Variants in PHKG1 observed in about 807,000 individuals in gnomAD.
PHKG1 encodes the protein phosphorylase kinase catalytic subunit gamma 1, also known as phosphorylase b kinase gamma catalytic chain, skeletal muscle/heart isoform.
PHKG1 carries 48 observed loss-of-function variants against 50.5 expected under a neutral mutation model. The observed-to-expected ratio is 0.95, with a 90% CI of 0.75 to 1.21. The LOEUF (loss-of-function observed/expected upper bound fraction) is 1.21. PHKG1 is among the 50% of genes most tolerant of loss of function. The probability of loss-of-function intolerance (pLI) is 0.00; values close to 1 mark genes in which losing one functional copy is unlikely to be tolerated. For synonymous variants in PHKG1, 204 were observed against 212.8 expected, an observed-to-expected ratio of 0.96 and a Z score of 0.36; for missense variants, 487 against 519.5, an observed-to-expected ratio of 0.94 and a Z score of 0.61.
Position 56,081,932 on chromosome 7 carries a change from C to T in PHKG1, c.753G>A (p.Ser251=), listed in dbSNP as rs547904081. Residue 251 remains serine, a synonymous_variant, in exon 8 of 10, where the codon TCG becomes TCA. Coordinates refer to ENST00000297373, the MANE Select transcript of PHKG1 (RefSeq NM_006213.5). This position sits in a 1 kb window ranked among gnomAD's most constrained non-coding sequence, Gnocchi z 4.6. ...TGTCCGAGTAATCATCCCACTCGGG[C>T]GAGCCAAACTGGTAGTTGCCGCTCA... ...MIMSGNYQFG[S]PEWDDYSDTV... 1.2e-5 allele frequency: 20 copies of T among 1,613,656 alleles called. No homozygotes were observed. Among genetic ancestry groups the T allele is most frequent in the African/African-American group, 2.7e-5 (2 of 75,068 alleles).
Position 56,086,991 on chromosome 7 carries a change from A to G in PHKG1, c.296T>C (p.Phe99Ser). The change falls in exon 4 of 10, where the codon TTC (phenylalanine) becomes TCC (serine). Residue 99 changes from phenylalanine (F) to serine (S), a missense_variant. Physicochemically the swap from Phe to Ser is radical, Grantham distance 155 (BLOSUM62 -2). Transcript: ENST00000297373. Reference sequence around the variant, plus strand: ...TTACAGGTCAAACACCAAGAAGAAGAAAGTGTTGGTCTCATAAGTGTCCTT... The same window carrying G: ...TTACAGGTCAAACACCAAGAAGAAGGAAGTGTTGGTCTCATAAGTGTCCTT... ...QLKDTYETNT[F>S]FFLVFDLMKR... 1 of 1,613,344 alleles carries G rather than the reference A, an allele frequency of 6.2e-7. No homozygotes were observed.
At position 56,083,319 on chromosome 7, in the gene PHKG1, A is replaced by C. The variant is rs1796105599; in HGVS notation, c.506T>G (p.Phe169Cys). 2.5e-6 allele frequency: 4 copies of C among 1,613,922 alleles called. No individual in the cohort carries two copies. Among genetic ancestry groups the C allele is most frequent in the Non-Finnish European group, 3.4e-6 (4 of 1,179,980 alleles). ...DDNMNIKLTD[F>C]GFSCQLEPGE... ...CGGCTCCAGCTGGCAGGAAAAGCCA[A>C]AGTCTGTGAGCTTGATGTTCATGTT... The change falls in exon 6 of 10, where the codon TTT (phenylalanine) becomes TGT (cysteine). Residue 169 changes from phenylalanine to cysteine, a missense_variant. Coordinates refer to ENST00000297373, the MANE Select transcript of PHKG1 (RefSeq NM_006213.5).
chr7:56,092,152 C>T lies in PHKG1; in HGVS notation c.-35+684G>A, dbSNP rs559125192. On this transcript the variant is annotated intron_variant, in intron 1 of 9. Transcript: ENST00000297373. ...CACCTTTCCTGGGGGGCTGAGGAGG[C>T]GGTTATCTTGCCCCAGCCCCAGCTC... Among the ~76,000 whole-genome samples, 533 of 152,310 alleles carry T rather than the reference C, an allele frequency of 3.5e-3. 1 individual carries two copies. Among genetic ancestry groups the T allele is most frequent in the Middle Eastern group, 6.8e-3 (2 of 294 alleles).
Position 56,086,994 on chromosome 7 carries a change from G to A in PHKG1, c.293C>T (p.Thr98Ile). 6.2e-7 allele frequency: 1 copy of A among 1,613,414 alleles called. No homozygotes were observed. Residue 98 changes from threonine to isoleucine, a missense_variant, in exon 4 of 10, where the codon ACT (threonine) becomes ATT (isoleucine). Physicochemically the swap from Thr to Ile is moderately conservative, Grantham distance 89. Coordinates refer to ENST00000297373, the MANE Select transcript of PHKG1 (RefSeq NM_006213.5). ...CAGGTCAAACACCAAGAAGAAGAAA[G>A]TGTTGGTCTCATAAGTGTCCTTCAG... ...IQLKDTYETNTFFFLVFDLMK... is the reference protein window; with the variant it reads ...IQLKDTYETNIFFFLVFDLMK...
In PHKG1 at chr7:56,082,177, C is replaced by A. The variant is rs1278717515; in HGVS notation, c.624G>T (p.Gly208=). 1.2e-6 allele frequency: 2 copies of A among 1,613,982 alleles called. No individual in the cohort carries two copies. Among genetic ancestry groups the A allele is most frequent in the Admixed American group, 3.3e-5 (2 of 60,018 alleles). ...GGCGCACTCACATGTCCACCTCTTT[C>A]CCGTAGCCCGGGTGGTCCTCATTCA... The part of the protein sequence containing the change: ...CSMNEDHPGY[G]KEVDMWSTGV... Residue 208 remains glycine, a synonymous_variant, in exon 7 of 10, where the codon GGG becomes GGT. Coordinates refer to ENST00000297373, the MANE Select transcript of PHKG1 (RefSeq NM_006213.5).
Position 56,091,234 on chromosome 7 carries a change from AG to A in PHKG1, c.-35+1601del, listed in dbSNP as rs1337058191. Among the ~76,000 whole-genome samples the A allele has an allele frequency of 2.0e-5, 3 of 151,604 alleles. No homozygotes were observed. In the East Asian group the frequency reaches 5.8e-4, roughly 29 times the overall value. On this transcript the variant is annotated intron_variant, in intron 1 of 9. Transcript: ENST00000297373. ...TCTGTCTCAAAAAATAAGACAAAAC[AG>A]GCTGGGCGCAGTGGCTCATGCCTGT...
chr7:56,087,194 TTTA>T (rs56665611), intron 3 of PHKG1, among the ~76,000 whole-genome samples, 170 bp from the exon 4 acceptor site: 44,822 of 135,786 alleles, frequency 0.33, 7,612 homozygotes, highest in Middle Eastern at 0.37. Flanking sequence ...GCCCAGGGAC[TTTA>T]TTATTATTAT....
chr7:56,092,656 T>C (rs1322505172), intron 1 of PHKG1, among the ~76,000 whole-genome samples, 180 bp downstream of exon 1: 1 of 152,102 alleles, frequency 6.6e-6, no homozygotes, highest in African/African-American at 2.4e-5. Context: ...CTCTTTTCTG[T>C]AGAAAATTCC....
At chr7:56,084,089 G>T in intron 4 of PHKG1, 1 of 915,332 alleles carries the variant, frequency 1.1e-6, no homozygotes, top group Non-Finnish European at 1.7e-6. Flanking sequence ...TCCAGGCCAG[G>T]ATGGCTAGAA....
In PHKG1 at chr7:56,088,852, G is replaced by A. The variant is rs1323039735; in HGVS notation, c.83+7C>T. On this transcript the variant is annotated splice_region_variant and intron_variant, in intron 2 of 9. Transcript: ENST00000297373. ...ACAGCACTTCGTGGGGAAAGCTTGG[G>A]CTTTACCTGCCCAGGATCTCTTTGG... 1 of 1,607,466 alleles carries A rather than the reference G, an allele frequency of 6.2e-7. No homozygotes were observed. Among genetic ancestry groups the A allele is most frequent in the African/African-American group, 1.3e-5 (1 of 74,874 alleles).
Position 56,087,022 on chromosome 7 carries a change from G to C in PHKG1, c.265C>G (p.Gln89Glu), listed in dbSNP as rs779776222. Residue 89 changes from glutamine to glutamate, a missense_variant and splice_region_variant, in exon 4 of 10, where the codon CAG becomes GAG. Coordinates refer to ENST00000297373, the MANE Select transcript of PHKG1 (RefSeq NM_006213.5). ...TTGGTCTCATAAGTGTCCTTCAGCT[G>C]TACTGAAATGGAAATGGCTAGCTTG... is the stretch of plus-strand genomic sequence containing the variant. The part of the protein sequence containing the change: ...RKVSGHPNII[Q>E]LKDTYETNTF... 52 of 1,612,580 alleles carry C rather than the reference G, an allele frequency of 3.2e-5. No homozygotes were observed. Among genetic ancestry groups the C allele is most frequent in the Non-Finnish European group, 4.3e-5 (51 of 1,178,986 alleles).
chr7:56,091,134 A>G (rs1438928772), intron 1 of PHKG1, among the ~76,000 whole-genome samples: 2 of 151,918 alleles, frequency 1.3e-5, no homozygotes, highest in Non-Finnish European at 2.9e-5. Flanking sequence ...GGATCACTTG[A>G]ACCCAGGAGG....
intron 4 of PHKG1, chr7:56,084,287 A>AT: frequency 8.4e-7 from 1 of 1,185,052 alleles, no homozygotes; most frequent in South Asian, 1.3e-5. Context: ...CGGGGCCTAA[A>AT]TGATGGCTGG....
At chr7:56,085,003 C>T (rs1796194478) in intron 4 of PHKG1, among the ~76,000 whole-genome samples, 1 of 152,210 alleles carries the variant, frequency 6.6e-6, no homozygotes, top group African/African-American at 2.4e-5. Flanking sequence ...CTCTGTTGCC[C>T]AGGCTGGAGT....
At chr7:56,087,800 C>G (rs542608973) in intron 2 of PHKG1, 24 bp from the exon 3 acceptor site, 137 of 1,593,198 alleles carry the variant, frequency 8.6e-5, no homozygotes, top group Non-Finnish European at 1.1e-4. Flanking sequence ...GGACAGATGG[C>G]CTCGGGGGGC....
At position 56,083,438 on chromosome 7, in the gene PHKG1, C is replaced by T. The variant is rs1202861715; in HGVS notation, c.387G>A (p.Lys129=). The T allele has an allele frequency of 6.2e-7, 1 of 1,614,120 alleles. No homozygotes were observed. Among genetic ancestry groups the T allele is most frequent in the Admixed American group, 1.7e-5 (1 of 60,012 alleles). Residue 129 remains lysine, a synonymous_variant, in exon 6 of 10, where the codon AAG becomes AAA. Coordinates refer to ENST00000297373, the MANE Select transcript of PHKG1 (RefSeq NM_006213.5). Reference sequence around the variant, plus strand: ...TCACCTCCAGCAGAGCTCGCATGATCTTTCTAGGGTGGGGCACACACTTGT... The same window carrying T: ...TCACCTCCAGCAGAGCTCGCATGATTTTTCTAGGGTGGGGCACACACTTGT... ...KVTLSEKETR[K]IMRALLEVIC...
chr7:56,089,221 T>C (rs1256671653), intron 1 of PHKG1, among the ~76,000 whole-genome samples: 1 of 151,964 alleles, frequency 6.6e-6, no homozygotes, highest in Non-Finnish European at 1.5e-5. Context: ...CTGGCCAACA[T>C]GGTGAAACCT....
At chr7:56,092,520 A>T (rs1204743218) in intron 1 of PHKG1, among the ~76,000 whole-genome samples, 3 of 151,972 alleles carry the variant, frequency 2.0e-5, no homozygotes, top group African/African-American at 7.2e-5. Flanking sequence ...TGACCCTCCC[A>T]CCTTGGCCTC....
At position 56,083,440 on chromosome 7, in the gene PHKG1, T is replaced by G; in HGVS notation, c.385A>C (p.Lys129Gln). Residue 129 changes from lysine (K) to glutamine (Q), a missense_variant and splice_region_variant, in exon 6 of 10, where the codon AAG becomes CAG. Physicochemically the swap from Lys to Gln is moderately conservative, Grantham distance 53 (BLOSUM62 1). Transcript: ENST00000297373. ...ACCTCCAGCAGAGCTCGCATGATCT[T>G]TCTAGGGTGGGGCACACACTTGTTA... Reference protein sequence around the residue: ...KVTLSEKETRKIMRALLEVIC... With the variant: ...KVTLSEKETRQIMRALLEVIC... 6.2e-7 allele frequency: 1 copy of G among 1,614,034 alleles called. No individual in the cohort carries two copies. The highest frequency in any genetic ancestry group is 8.5e-7 in the Non-Finnish European group (1 of 1,179,938).
Sources: allele counts gnomAD v4.1 joint callset (sites outside exome capture counted in the v4.1 genomes callset), GRCh38; gene constraint gnomAD v4.1.1; non-coding constraint Gnocchi (gnomAD v3.1); transcripts MANE v1.5; gene names NCBI Gene and HGNC (gene_info 2026-07-23, HGNC 2026-07-21).